ZSCAN20: variants seen among roughly 807,000 people sequenced by gnomAD.
ZSCAN20 encodes zinc finger and SCAN domain containing 20, also known as zinc finger and SCAN domain-containing protein 20.
A neutral mutation model predicts 97.1 loss-of-function variants in ZSCAN20; 39 were observed. The ratio of observed to expected loss-of-function variants is 0.40; its 90% confidence interval spans 0.31 to 0.52. The LOEUF (loss-of-function observed/expected upper bound fraction) is 0.52, where lower values mean the gene tolerates loss of function less well. Among genes scored for constraint, ZSCAN20 ranks in the 20% least tolerant of loss-of-function variants. ZSCAN20 has a pLI of 0.49. For synonymous variants in ZSCAN20, 456 were observed against 467.3 expected, an observed-to-expected ratio of 0.98 and a Z score of 0.31; for missense variants, 1,115 against 1,290.4, an observed-to-expected ratio of 0.86 and a Z score of 2.08.
intron 5 of ZSCAN20, among the ~76,000 whole-genome samples, chr1:33,490,724 T>A (rs1652569364): frequency 6.6e-6 from 1 of 151,580 alleles, no homozygotes; most frequent in Non-Finnish European, 1.5e-5. Context: ...TCAGTCTAAT[T>A]GGGCCAATTT....
chr1:33,482,800 A>G (rs1164539447), intron 2 of ZSCAN20, among the ~76,000 whole-genome samples: 2 of 152,162 alleles, frequency 1.3e-5, no homozygotes, highest in African/African-American at 4.8e-5. Context: ...CGAATTTGCA[A>G]TTCACCAATA....
chr1:33,490,650 A>AACACACACAC (rs372552175), intron 5 of ZSCAN20, among the ~76,000 whole-genome samples: 53 of 141,198 alleles, frequency 3.8e-4, no homozygotes, highest in African/African-American at 1.2e-3. Flanking sequence ...TACACACACA[A>AACACACACAC]ACACACACAC....
At chr1:33,489,343 C>A in intron 4 of ZSCAN20, 152 bp downstream of exon 4, 1 of 947,564 alleles carries the variant, frequency 1.1e-6, no homozygotes, top group Non-Finnish European at 1.6e-6. Flanking sequence ...GCCTGCTGGG[C>A]CCCAAACATC....
At position 33,495,096 on chromosome 1, in the gene ZSCAN20, C is replaced by G; in HGVS notation, c.2752C>G (p.Leu918Val). The change falls in exon 8 of 8, where the codon CTG (leucine) becomes GTG (valine). Residue 918 changes from leucine (L) to valine (V), a missense_variant. Coordinates refer to ENST00000684572, the MANE Select transcript of ZSCAN20 (RefSeq NM_001377376.1). Reference protein sequence around the residue: ...CGKSFSKSSTLANHQRTHTGE... With the variant: ...CGKSFSKSSTVANHQRTHTGE... Reference sequence around the variant, plus strand: ...GAAAAGCTTCAGTAAGAGCTCCACCCTGGCCAACCACCAGCGCACCCACAC... The same window carrying G: ...GAAAAGCTTCAGTAAGAGCTCCACCGTGGCCAACCACCAGCGCACCCACAC... The G allele has an allele frequency of 6.2e-7, 1 of 1,612,792 alleles. No homozygotes were observed. Among genetic ancestry groups the G allele is most frequent in the Non-Finnish European group, 8.5e-7 (1 of 1,179,036 alleles).
In ZSCAN20 at chr1:33,494,966, T is replaced by C; in HGVS notation, c.2622T>C (p.Leu874=). The C allele has an allele frequency of 6.2e-7, 1 of 1,614,026 alleles. No homozygotes were observed. The highest frequency in any genetic ancestry group is 8.5e-7 in the Non-Finnish European group (1 of 1,180,002). Residue 874 remains leucine (L), a synonymous_variant, in exon 8 of 8, where the codon CTT becomes CTC. Transcript: ENST00000684572. The part of the protein sequence containing the change: ...GPHSTNSGEK[L]YECSECGRSF... The stretch of plus-strand genomic sequence containing the variant: ...ACAGCACAAACTCAGGGGAGAAACT[T>C]TATGAGTGTTCTGAATGTGGAAGAA...
Position 33,488,484 on chromosome 1 carries a change from A to G in ZSCAN20, c.437A>G (p.Glu146Gly), listed in dbSNP as rs766055828. 2 of 1,613,872 alleles carry G rather than the reference A, an allele frequency of 1.2e-6. No homozygotes were observed. ...AGQSGLELHT[E>G]ETRPLKTGEE... The stretch of plus-strand genomic sequence containing the variant: ...GTGTAGGGACTGGAATTGCATACAG[A>G]AGAGACCAGGCCCTTAAAGACAGGG... The change falls in exon 3 of 8, where the codon GAA (glutamate) becomes GGA (glycine). Residue 146 changes from glutamate (E) to glycine (G), a missense_variant. Around this residue, in one of 3 missense-constraint regions of ZSCAN20, gnomAD observed 508 missense variants for 611.2 expected, o/e 0.83. Coordinates refer to ENST00000684572, the MANE Select transcript of ZSCAN20 (RefSeq NM_001377376.1).
intron 1 of ZSCAN20, among the ~76,000 whole-genome samples, chr1:33,478,891 G>A (rs1177792877): frequency 9.9e-5 from 15 of 152,158 alleles, no homozygotes; most frequent in Admixed American, 9.8e-4. Context: ...CCTCCAAAGT[G>A]TGAGGCTCAA....
chr1:33,491,836 C>T lies in ZSCAN20; in HGVS notation c.1444+134C>T. 1 of 833,228 alleles carries T rather than the reference C, an allele frequency of 1.2e-6. No homozygotes were observed. Among genetic ancestry groups the T allele is most frequent in the Non-Finnish European group, 1.8e-6 (1 of 571,024 alleles). 51.6% of individuals were successfully genotyped at this position (833,228 alleles called of 1,614,324 possible). A position where few individuals can be genotyped will look rare whatever the true frequency, so the allele number is the denominator to read the frequency against. On this transcript the variant is annotated intron_variant, in intron 6 of 7. Coordinates refer to ENST00000684572, the MANE Select transcript of ZSCAN20 (RefSeq NM_001377376.1). This position sits in a 1 kb window ranked among gnomAD's most constrained non-coding sequence, Gnocchi z 4.3. The stretch of plus-strand genomic sequence containing the variant: ...GAGTGAAGAGCTACATTCCTTAGGT[C>T]ATCCTCAAACTCCAACTTTCTTTTC...
At chr1:33,484,137 T>C (rs984625899) in intron 2 of ZSCAN20, among the ~76,000 whole-genome samples, 1 of 152,254 alleles carries the variant, frequency 6.6e-6, no homozygotes, top group Non-Finnish European at 1.5e-5. Flanking sequence ...TAGACAATCG[T>C]GTCATTTGTG....
chr1:33,494,209 T>G lies in ZSCAN20; in HGVS notation c.1874-9T>G. 6.5e-7 allele frequency: 1 copy of G among 1,545,022 alleles called. No individual in the cohort carries two copies. The highest frequency in any genetic ancestry group is 8.7e-7 in the Non-Finnish European group (1 of 1,147,698). ...TGAAGAAAAACTGCATTTCTGTCCA[T>G]TTTTTCAGGTTTTGAAATGAGGCAT... On this transcript the variant is annotated splice_polypyrimidine_tract_variant and intron_variant, in intron 7 of 7. Transcript: ENST00000684572.
rs757185518 is a variant in ZSCAN20, at chr1:33,495,282, A to G, written c.2938A>G (p.Ile980Val). ...TTCTAACCTCATTACTCACCAGAGG[A>G]TTCATACGGGAGAGAAGCCGTATAA... is the stretch of plus-strand genomic sequence containing the variant. ...DRSNLITHQR[I>V]HTGEKPYKCR... Residue 980 changes from isoleucine (I) to valine (V), a missense_variant, in exon 8 of 8, where the codon ATT (isoleucine) becomes GTT (valine). Coordinates refer to ENST00000684572, the MANE Select transcript of ZSCAN20 (RefSeq NM_001377376.1). 1.2e-6 allele frequency: 2 copies of G among 1,612,112 alleles called. No individual in the cohort carries two copies. Among genetic ancestry groups the G allele is most frequent in the South Asian group, 1.1e-5 (1 of 90,886 alleles).
rs1652985500 is a variant in ZSCAN20, at chr1:33,499,431, C to T, written c.*3955C>T. On this transcript the variant is annotated 3_prime_UTR_variant, in exon 8 of 8. Coordinates refer to ENST00000684572, the MANE Select transcript of ZSCAN20 (RefSeq NM_001377376.1). The stretch of plus-strand genomic sequence containing the variant: ...TCTGTGTCCTGCTGTGGCCTCTCCT[C>T]TTAGGATCCCAGCTGCCTGCCAACC... Among the ~76,000 whole-genome samples the T allele has an allele frequency of 6.6e-6, 1 of 152,140 alleles. No individual in the cohort carries two copies. The highest frequency in any genetic ancestry group is 2.4e-5 in the African/African-American group (1 of 41,426).
intron 2 of ZSCAN20, among the ~76,000 whole-genome samples, chr1:33,484,007 G>T (rs774596588): frequency 1.1e-4 from 17 of 152,076 alleles, no homozygotes; most frequent in Non-Finnish European, 2.1e-4. Context: ...CTTGTTCATT[G>T]TTGGTATATA....
At chr1:33,492,208 T>C (rs2148474142) in intron 6 of ZSCAN20, 1 of 152,692 alleles carries the variant, frequency 6.5e-6, no homozygotes, top group South Asian at 2.1e-4. Context: ...TGGAAGTCCA[T>C]GAGATGAGGC....
chr1:33,487,599 A>G (rs766835368), intron 2 of ZSCAN20, among the ~76,000 whole-genome samples: 4 of 149,916 alleles, frequency 2.7e-5, no homozygotes, highest in African/African-American at 4.9e-5. Flanking sequence ...ATGTCCTTCT[A>G]TTGTAAGATT....
intron 4 of ZSCAN20, 128 bp downstream of exon 4, chr1:33,489,319 G>A: frequency 9.0e-7 from 1 of 1,116,704 alleles, no homozygotes; most frequent in Non-Finnish European, 1.3e-6. Flanking sequence ...GTTAGCCTTT[G>A]CCCTTCACCC....
At chr1:33,487,222 A>G (rs989730082) in intron 2 of ZSCAN20, among the ~76,000 whole-genome samples, 5 of 152,166 alleles carry the variant, frequency 3.3e-5, no homozygotes, top group African/African-American at 1.2e-4. Flanking sequence ...CACTGAATAT[A>G]CCCATGTATG....
At position 33,491,354 on chromosome 1, in the gene ZSCAN20, G is replaced by T; in HGVS notation, c.1096G>T (p.Ala366Ser). The T allele has an allele frequency of 6.2e-7, 1 of 1,614,196 alleles. No individual in the cohort carries two copies. The highest frequency in any genetic ancestry group is 8.5e-7 in the Non-Finnish European group (1 of 1,180,022). The stretch of plus-strand genomic sequence containing the variant: ...TCGGGCCATTGCAGAGCAGCTAAGG[G>T]CAAGGGGCTTCCTGCGGACACTGGA... ...VYRAIAEQLR[A>S]RGFLRTLEQC... The change falls in exon 6 of 8, where the codon GCA (alanine) becomes TCA (serine). Residue 366 changes from alanine to serine, a missense_variant. By Grantham distance (99) the Ala-to-Ser change is moderately conservative. Coordinates refer to ENST00000684572, the MANE Select transcript of ZSCAN20 (RefSeq NM_001377376.1). The surrounding 1 kb of genome is among the most constrained non-coding windows in gnomAD (Gnocchi z 4.3).
chr1:33,494,204 G>A lies in ZSCAN20; in HGVS notation c.1874-14G>A. 2 of 1,543,308 alleles carry A rather than the reference G, an allele frequency of 1.3e-6. No homozygotes were observed. The highest frequency in any genetic ancestry group is 2.1e-5 in the Admixed American group (1 of 48,240). Reference sequence around the variant, plus strand: ...ATGAGTGAAGAAAAACTGCATTTCTGTCCATTTTTTCAGGTTTTGAAATGA... The same window carrying A: ...ATGAGTGAAGAAAAACTGCATTTCTATCCATTTTTTCAGGTTTTGAAATGA... On this transcript the variant is annotated splice_polypyrimidine_tract_variant and intron_variant, in intron 7 of 7. Coordinates refer to ENST00000684572, the MANE Select transcript of ZSCAN20 (RefSeq NM_001377376.1).
Sources: allele counts gnomAD v4.1 joint callset (sites outside exome capture counted in the v4.1 genomes callset), GRCh38; gene constraint gnomAD v4.1.1; regional missense constraint gnomAD v4.1.1; non-coding constraint Gnocchi (gnomAD v3.1); transcripts MANE v1.5; gene names NCBI Gene and HGNC (gene_info 2026-07-23, HGNC 2026-07-21).